Variants in GALNT18 observed in about 807,000 individuals in gnomAD.
GALNT18 encodes the protein polypeptide N-acetylgalactosaminyltransferase 18.
In GALNT18, 44 loss-of-function variants were observed where a neutral mutation model predicts 69.5. The observed-to-expected ratio is 0.63, with a 90% CI of 0.50 to 0.81. The LOEUF (loss-of-function observed/expected upper bound fraction) is 0.81. Ranked by LOEUF, GALNT18 falls within the 40% of genes least tolerant of loss-of-function variation. The pLI is 0.00. For synonymous variants in GALNT18, 364 were observed against 318.2 expected, an observed-to-expected ratio of 1.14 and a Z score of -1.53; for missense variants, 715 against 810.0, an observed-to-expected ratio of 0.88 and a Z score of 1.42.
At chr11:11,456,641 C>T (rs1428400829) in intron 1 of GALNT18, among the ~76,000 whole-genome samples, 1 of 152,192 alleles carries the variant, frequency 6.6e-6, no homozygotes, top group Non-Finnish European at 1.5e-5. Context: ...TGTCCCTTGA[C>T]AGTTGTTTGC....
At position 11,511,445 on chromosome 11, in the gene GALNT18, T is replaced by A. The variant is rs1160780143; in HGVS notation, c.236-62509A>T. 6.6e-6 allele frequency among the ~76,000 whole-genome samples: 1 copy of A among 152,086 alleles called. No homozygotes were observed. Among genetic ancestry groups the A allele is most frequent in the Non-Finnish European group, 1.5e-5 (1 of 68,004 alleles). On this transcript the variant is annotated intron_variant, in intron 1 of 10. Transcript: ENST00000227756. The surrounding 1 kb of genome is among the most constrained non-coding windows in gnomAD (Gnocchi z 4.9). ...ACAGCTAACAGAGCGACCCCATACA[T>A]GTGATCCCCAGAATAGGCCCCAGAC...
In GALNT18 at chr11:11,413,076, T is replaced by G. The variant is rs1259466799; in HGVS notation, c.595+19545A>C. ...GGTGCCTGGCAGCTCTTATTGGTGGTCTCCCTTCCTTGTCTTATCTCCCTA... is the reference window on the plus strand; with the variant it reads ...GGTGCCTGGCAGCTCTTATTGGTGGGCTCCCTTCCTTGTCTTATCTCCCTA... On this transcript the variant is annotated intron_variant, in intron 3 of 10. Transcript: ENST00000227756. This position sits in a 1 kb window ranked among gnomAD's most constrained non-coding sequence, Gnocchi z 4.7. Among the ~76,000 whole-genome samples the G allele has an allele frequency of 6.6e-6, 1 of 152,180 alleles. No individual in the cohort carries two copies. Among genetic ancestry groups the G allele is most frequent in the Non-Finnish European group, 1.5e-5 (1 of 68,040 alleles).
intron 3 of GALNT18, among the ~76,000 whole-genome samples, chr11:11,425,418 G>A (rs1284668093): frequency 2.0e-5 from 3 of 152,220 alleles, no homozygotes; most frequent in Non-Finnish European, 4.4e-5. Context: ...TGCCAACCCA[G>A]AGCAGACAGA....
rs1859137138 is a variant in GALNT18, at chr11:11,583,506, T to C, written c.235+37853A>G. Among the ~76,000 whole-genome samples the C allele has an allele frequency of 6.6e-6, 1 of 152,172 alleles. No individual in the cohort carries two copies. The highest frequency in any genetic ancestry group is 2.4e-5 in the African/African-American group (1 of 41,428). ...TCTAGCTCTGTTTCTGGCTGGAAAG[T>C]GCACGAAAGCTGAGTTTAATCAATA... On this transcript the variant is annotated intron_variant, in intron 1 of 10. Transcript: ENST00000227756. This position sits in a 1 kb window ranked among gnomAD's most constrained non-coding sequence, Gnocchi z 4.7.
intron 1 of GALNT18, among the ~76,000 whole-genome samples, chr11:11,449,898 C>G (rs1855752872): frequency 6.6e-6 from 1 of 152,234 alleles, no homozygotes; most frequent in African/African-American, 2.4e-5. Context: ...AACAAGTGCA[C>G]AGCCAATGGC....
Position 11,338,725 on chromosome 11 carries a change from C to A in GALNT18, c.1278+2094G>T, listed in dbSNP as rs1278214349. Among the ~76,000 whole-genome samples, 1 of 152,112 alleles carries A rather than the reference C, an allele frequency of 6.6e-6. No individual in the cohort carries two copies. The highest frequency in any genetic ancestry group is 1.5e-5 in the Non-Finnish European group (1 of 68,026). ...GGGGTAGAGATATTAATTAGGAAGG[C>A]AGCATATGGGTGGGAGTCCAATGCA... On this transcript the variant is annotated intron_variant, in intron 7 of 10. Transcript: ENST00000227756. This position sits in a 1 kb window ranked among gnomAD's most constrained non-coding sequence, Gnocchi z 5.3.
At chr11:11,424,197 G>A (rs1855075954) in intron 3 of GALNT18, among the ~76,000 whole-genome samples, 1 of 152,202 alleles carries the variant, frequency 6.6e-6, no homozygotes, top group African/African-American at 2.4e-5. Context: ...ACCTACGTTG[G>A]ACCTGCCATT....
Position 11,596,347 on chromosome 11 carries a change from A to G in GALNT18, c.235+25012T>C, listed in dbSNP as rs1214447744. Among the ~76,000 whole-genome samples, 2 of 152,080 alleles carry G rather than the reference A, an allele frequency of 1.3e-5. No individual in the cohort carries two copies. The highest frequency in any genetic ancestry group is 4.1e-4 in the South Asian group (2 of 4,820). On this transcript the variant is annotated intron_variant, in intron 1 of 10. Transcript: ENST00000227756. This position sits in a 1 kb window ranked among gnomAD's most constrained non-coding sequence, Gnocchi z 4.2. ...GTTGTCCATTTTGTTTTTGTTTTTC[A>G]AGATTATTTGGCTAGCCTGTATACC...
chr11:11,352,621 C>G (rs765804531), intron 6 of GALNT18: 1 of 1,614,176 alleles, frequency 6.2e-7, no homozygotes, highest in Non-Finnish European at 8.5e-7. Context: ...TTTCTGTGCT[C>G]ATGATCAATC....
At position 11,500,855 on chromosome 11, in the gene GALNT18, C is replaced by T. The variant is rs918494429; in HGVS notation, c.236-51919G>A. Reference sequence around the variant, plus strand: ...CAGGCTCTCCCCAAACCTGGGAGTTCCTTTCCTTCCCTGTCTTTTTGCAGA... The same window carrying T: ...CAGGCTCTCCCCAAACCTGGGAGTTTCTTTCCTTCCCTGTCTTTTTGCAGA... On this transcript the variant is annotated intron_variant, in intron 1 of 10. Coordinates refer to ENST00000227756, the MANE Select transcript of GALNT18 (RefSeq NM_198516.3). The surrounding 1 kb of genome is among the most constrained non-coding windows in gnomAD (Gnocchi z 5.0). 2.6e-5 allele frequency among the ~76,000 whole-genome samples: 4 copies of T among 152,298 alleles called. No homozygotes were observed. The highest frequency in any genetic ancestry group is 9.6e-5 in the African/African-American group (4 of 41,546).
chr11:11,297,417 A>G (rs4075678), intron 9 of GALNT18, among the ~76,000 whole-genome samples: 44,689 of 152,088 alleles, frequency 0.29, 6,740 homozygotes, highest in Middle Eastern at 0.42. Context: ...CAATGTTTCC[A>G]AAGTCGCACG....
intron 1 of GALNT18, among the ~76,000 whole-genome samples, chr11:11,515,796 G>A (rs538836023): frequency 6.2e-4 from 94 of 152,218 alleles, no homozygotes; most frequent in Non-Finnish European, 1.0e-3. Flanking sequence ...CAAATGCAGA[G>A]CCCCTCGTGG....
At chr11:11,422,578 G>T (rs1380578399) in intron 3 of GALNT18, among the ~76,000 whole-genome samples, 1 of 151,966 alleles carries the variant, frequency 6.6e-6, no homozygotes, top group African/African-American at 2.4e-5. Flanking sequence ...GCTCCATAAA[G>T]CACAATACTG....
At chr11:11,576,763 C>T (rs1858935896) in intron 1 of GALNT18, among the ~76,000 whole-genome samples, 2 of 152,246 alleles carry the variant, frequency 1.3e-5, no homozygotes, top group African/African-American at 4.8e-5. Context: ...CCCACATTAT[C>T]TGACATGAGA....
chr11:11,528,154 G>A (rs1857561061), intron 1 of GALNT18, among the ~76,000 whole-genome samples: 1 of 152,208 alleles, frequency 6.6e-6, no homozygotes, highest in South Asian at 2.1e-4. Context: ...TTATTCAGGA[G>A]TTCAAAAGAG....
rs1418392206 is a variant in GALNT18 at position 11,582,600 on chromosome 11, G to A, written c.235+38759C>T. On this transcript the variant is annotated intron_variant, in intron 1 of 10. Coordinates refer to ENST00000227756, the MANE Select transcript of GALNT18 (RefSeq NM_198516.3). The surrounding 1 kb of genome is among the most constrained non-coding windows in gnomAD (Gnocchi z 5.0). ...AAACAATAGCTGCTCCCTCAGCCCA[G>A]TTCCTGGATTGTAGATATCGTGTGA... Among the ~76,000 whole-genome samples, 3 of 152,204 alleles carry A rather than the reference G, an allele frequency of 2.0e-5. No homozygotes were observed. The highest frequency in any genetic ancestry group is 2.9e-5 in the Non-Finnish European group (2 of 68,036).
chr11:11,492,913 T>C (rs1032740691), intron 1 of GALNT18, among the ~76,000 whole-genome samples: 5 of 151,816 alleles, frequency 3.3e-5, no homozygotes, highest in Non-Finnish European at 5.9e-5. Context: ...AGTAAATAAA[T>C]AAATAAAAGA....
intron 6 of GALNT18, among the ~76,000 whole-genome samples, chr11:11,345,953 C>G (rs944684039): frequency 6.6e-6 from 1 of 152,198 alleles, no homozygotes; most frequent in African/African-American, 2.4e-5. Flanking sequence ...AGGCTGGGTC[C>G]TGAGGCTTCT....
chr11:11,549,956 C>T (rs1260491951), intron 1 of GALNT18, among the ~76,000 whole-genome samples: 2 of 152,236 alleles, frequency 1.3e-5, no homozygotes, highest in African/African-American at 4.8e-5. Context: ...AGCTGCCAGC[C>T]ACCCAGCTCT....
Sources: allele counts gnomAD v4.1 joint callset (sites outside exome capture counted in the v4.1 genomes callset), GRCh38; gene constraint gnomAD v4.1.1; non-coding constraint Gnocchi (gnomAD v3.1); transcripts MANE v1.5; gene names NCBI Gene and HGNC (gene_info 2026-07-23, HGNC 2026-07-21).